The following RAB3C variants were observed in gnomAD, a reference collection of about 807,000 sequenced individuals.
RAB3C encodes the protein RAB3C, member RAS oncogene family, also known as ras-related protein Rab-3C.
Under a neutral mutation model 26.4 loss-of-function variants are expected in RAB3C, and 17 were observed. The ratio of observed to expected loss-of-function variants is 0.64; its 90% CI spans 0.44 to 0.97. The LOEUF is 0.97. Ranked by LOEUF, RAB3C falls within the 50% of genes least tolerant of loss-of-function variation. The pLI, the probability that RAB3C is intolerant of heterozygous loss-of-function variation, is 0.00. For synonymous variants in RAB3C, 91 were observed against 95.9 expected (o/e 0.95, Z 0.30); for missense variants, 242 against 281.9 (o/e 0.86, Z 1.01).
intron 1 of RAB3C, among the ~76,000 whole-genome samples, chr5:58,605,096 T>C (rs545160587): frequency 6.6e-6 from 1 of 152,118 alleles, no homozygotes; most frequent in Non-Finnish European, 1.5e-5. Flanking sequence ...ACTTCTCCAG[T>C]GGGGTGTGTT....
intron 1 of RAB3C, among the ~76,000 whole-genome samples, chr5:58,604,907 T>G (rs985163763): frequency 1.3e-5 from 2 of 152,184 alleles, no homozygotes; most frequent in Admixed American, 1.3e-4. Flanking sequence ...CCGCTGCTCC[T>G]CTGGCCACCG....
intron 2 of RAB3C, among the ~76,000 whole-genome samples, chr5:58,666,036 A>G (rs1196433805): frequency 6.6e-6 from 1 of 152,148 alleles, no homozygotes. Context: ...CTGCACTGCA[A>G]ATTCATCTGT....
At position 58,857,418 on chromosome 5, in the gene RAB3C, A is replaced by G. The variant is rs1744288773; in HGVS notation, c.*6067A>G. 6.6e-6 allele frequency: 1 copy of G among 152,190 alleles called. No homozygotes were observed. The highest frequency in any genetic ancestry group is 1.5e-5 in the Non-Finnish European group (1 of 68,022). The allele number at this position is 152,190 out of a possible 1,614,324, so 9.4% of individuals were successfully genotyped here. On this transcript the variant is annotated 3_prime_UTR_variant, in exon 5 of 5. Transcript: ENST00000282878. ...TTATTTTATAAAAGCATCTCCTTCT[A>G]TAACTCAAAATTTTCTTTAAGTGTC...
intron 3 of RAB3C, among the ~76,000 whole-genome samples, chr5:58,753,516 C>G (rs966584932): frequency 6.6e-5 from 10 of 152,126 alleles, no homozygotes; most frequent in Non-Finnish European, 4.4e-5. Context: ...TAATCTACCT[C>G]CCTCAATTAT....
At chr5:58,845,612 A>ATATATATATATGTATGTGTGTGTGTG in intron 4 of RAB3C, among the ~76,000 whole-genome samples, 1 of 81,744 alleles carries the variant, frequency 1.2e-5, no homozygotes, top group South Asian at 3.8e-4. Flanking sequence ...ATATATATAT[A>ATATATATATATGTATGTGTGTGTGTG]TGTGTGTGTG....
At chr5:58,639,148 T>C (rs776491632) in intron 2 of RAB3C, among the ~76,000 whole-genome samples, 1 of 152,226 alleles carries the variant, frequency 6.6e-6, no homozygotes, top group African/African-American at 2.4e-5. Flanking sequence ...GCTTTCTGTA[T>C]GCTTTTCAGA....
Position 58,601,029 on chromosome 5 carries a change from A to C in RAB3C, c.25-16614A>C, listed in dbSNP as rs545632805. Among the ~76,000 whole-genome samples, 5 of 152,216 alleles carry C rather than the reference A, an allele frequency of 3.3e-5. No individual in the cohort carries two copies. The South Asian group carries it at 1.0e-3, about 32-fold the overall frequency. ...ATTGAGGGATGTCCCTTGTATGCCA[A>C]TTTTGCTGAAAGTTTTAATTATAAA... On this transcript the variant is annotated intron_variant, in intron 1 of 4. Transcript: ENST00000282878.
At chr5:58,671,966 T>C (rs1222002394) in intron 2 of RAB3C, among the ~76,000 whole-genome samples, 1 of 152,162 alleles carries the variant, frequency 6.6e-6, no homozygotes, top group African/African-American at 2.4e-5. Context: ...TAATTTTAAA[T>C]AAGAATTACT....
chr5:58,717,479 G>A (rs922916964), intron 2 of RAB3C, among the ~76,000 whole-genome samples: 4 of 152,082 alleles, frequency 2.6e-5, no homozygotes, highest in Non-Finnish European at 5.9e-5. Context: ...TCTGAATGCT[G>A]GTCATCTGAA....
At chr5:58,671,165 A>G (rs958604618) in intron 2 of RAB3C, among the ~76,000 whole-genome samples, 18 of 152,278 alleles carry the variant, frequency 1.2e-4, no homozygotes, top group Middle Eastern at 3.4e-3. Flanking sequence ...TCCCAAAGAT[A>G]ATAATAATTG....
At chr5:58,652,099 T>C (rs950071554) in intron 2 of RAB3C, among the ~76,000 whole-genome samples, 3 of 152,058 alleles carry the variant, frequency 2.0e-5, no homozygotes, top group African/African-American at 7.2e-5. Flanking sequence ...GGGTGATAAG[T>C]GCTATGTAAT....
At chr5:58,686,486 T>C (rs1748446334) in intron 2 of RAB3C, among the ~76,000 whole-genome samples, 1 of 152,196 alleles carries the variant, frequency 6.6e-6, no homozygotes, top group South Asian at 2.1e-4. Context: ...TCTCTAGGAA[T>C]AGATTAGCAA....
At chr5:58,586,576 T>C (rs1746013125) in intron 1 of RAB3C, among the ~76,000 whole-genome samples, 1 of 152,172 alleles carries the variant, frequency 6.6e-6, no homozygotes, top group South Asian at 2.1e-4. Context: ...TCACGTACTC[T>C]CTTACAGGAC....
chr5:58,583,141 C>G lies in RAB3C; in HGVS notation c.-68C>G, dbSNP rs2111641473. The G allele has an allele frequency of 6.2e-7, 1 of 1,612,254 alleles. No individual in the cohort carries two copies. Among genetic ancestry groups the G allele is most frequent in the East Asian group, 2.2e-5 (1 of 44,832 alleles). ...GAGTGTGGAGCGTGGAGCGCCGGGA[C>G]TGTGCACGCTTGACCGGAAGCCCAG... is the stretch of plus-strand genomic sequence containing the variant. On this transcript the variant is annotated 5_prime_UTR_variant, in exon 1 of 5. Coordinates refer to ENST00000282878, the MANE Select transcript of RAB3C (RefSeq NM_138453.4).
At chr5:58,671,127 C>A (rs185583656) in intron 2 of RAB3C, among the ~76,000 whole-genome samples, 3 of 152,246 alleles carry the variant, frequency 2.0e-5, no homozygotes, top group Admixed American at 2.0e-4. Flanking sequence ...ATCATCATGG[C>A]TGATGATTGA....
rs375797731 is a variant in RAB3C, at chr5:58,662,348, A to T, written c.252+44478A>T. The stretch of plus-strand genomic sequence containing the variant: ...AAATTATGATTGTAGAGTTTTCTTC[A>T]TGCTGATTCCTTTCACAGAACATGC... On this transcript the variant is annotated intron_variant, in intron 2 of 4. Coordinates refer to ENST00000282878, the MANE Select transcript of RAB3C (RefSeq NM_138453.4). Among the ~76,000 whole-genome samples the T allele has an allele frequency of 9.3e-5, 14 of 150,160 alleles. 3 individuals carry two copies. Among genetic ancestry groups the T allele is most frequent in the African/African-American group, 3.5e-4 (14 of 39,526 alleles).
intron 3 of RAB3C, among the ~76,000 whole-genome samples, chr5:58,756,419 A>C (rs1221229043): frequency 7.1e-6 from 1 of 140,192 alleles, no homozygotes; most frequent in Non-Finnish European, 1.5e-5. Flanking sequence ...TGTTAATTTT[A>C]CTTTAAGTTC....
At chr5:58,588,038 A>G (rs1005077019) in intron 1 of RAB3C, among the ~76,000 whole-genome samples, 9 of 152,186 alleles carry the variant, frequency 5.9e-5, no homozygotes, top group Non-Finnish European at 1.3e-4. Context: ...TCAATAATTC[A>G]TTCCATTTTA....
chr5:58,747,962 G>A (rs1190872040), intron 3 of RAB3C, among the ~76,000 whole-genome samples: 1 of 151,900 alleles, frequency 6.6e-6, no homozygotes, highest in South Asian at 2.1e-4. Context: ...CGTCTTTGGG[G>A]AAAAGAAAAA....
Sources: gnomAD v4.1 joint callset for allele counts (sites outside exome capture counted in the v4.1 genomes callset) on GRCh38, gnomAD v4.1.1 for gene constraint, MANE v1.5 for transcripts, NCBI Gene and HGNC (gene_info 2026-07-23, HGNC 2026-07-21) for gene names.